Variants in BEST3 observed in about 807,000 individuals in gnomAD.
BEST3 encodes bestrophin 3, also known as bestrophin-3.
Under a neutral mutation model 47.1 loss-of-function variants are expected in BEST3, and 50 were observed. The observed-to-expected ratio is 1.06, with a 90% confidence interval of 0.85 to 1.34. BEST3 has a LOEUF of 1.34. Among genes scored for constraint, BEST3 ranks in the 40% most tolerant of loss-of-function variants. BEST3 has a pLI of 0.00. For synonymous variants in BEST3, 282 were observed against 298.8 expected (o/e 0.94, Z 0.58); for missense variants, 765 against 817.0 (o/e 0.94, Z 0.78).
chr12:69,697,492 A>C (rs549499652), intron 2 of BEST3, among the ~76,000 whole-genome samples, 155 bp downstream of exon 2: 1 of 152,336 alleles, frequency 6.6e-6, no homozygotes, highest in East Asian at 1.9e-4. Flanking sequence ...TGGTGGATTA[A>C]AATCTGTCCT....
chr12:69,682,262 A>T (rs1364485554), intron 4 of BEST3, among the ~76,000 whole-genome samples: 1 of 152,184 alleles, frequency 6.6e-6, no homozygotes, highest in Non-Finnish European at 1.5e-5. Context: ...ATTCTGACAC[A>T]TAGTGGTGTT....
intron 4 of BEST3, chr12:69,689,184 G>T (rs1885811048): frequency 9.1e-6 from 9 of 985,492 alleles, no homozygotes; most frequent in Non-Finnish European, 1.1e-5. Context: ...CTTGGCACAG[G>T]CAAAGGACAG....
At chr12:69,678,663 T>C in intron 5 of BEST3, 76 bp downstream of exon 5, 1 of 1,416,548 alleles carries the variant, frequency 7.1e-7, no homozygotes, top group East Asian at 2.3e-5. Context: ...TGACTCTTCC[T>C]GGTCTAACGT....
Position 69,695,963 on chromosome 12 carries a change from T to A in BEST3, c.153-1499A>T, listed in dbSNP as rs79035278. Among the ~76,000 whole-genome samples, 587 of 152,264 alleles carry A rather than the reference T, an allele frequency of 3.9e-3. 3 individuals carry two copies. Among genetic ancestry groups the A allele is most frequent in the African/African-American group, 0.013 (559 of 41,568 alleles). Reference sequence around the variant, plus strand: ...GTATTTCAGAAATTATTTTGTCAAATTCCTCCAAAAATAGAAATAAATGTA... The same window carrying A: ...GTATTTCAGAAATTATTTTGTCAAAATCCTCCAAAAATAGAAATAAATGTA... On this transcript the variant is annotated intron_variant, in intron 2 of 9. Coordinates refer to ENST00000330891, the MANE Select transcript of BEST3 (RefSeq NM_032735.3).
chr12:69,677,319 C>A, intron 5 of BEST3, 62 bp from the exon 6 acceptor site: 8 of 1,403,318 alleles, frequency 5.7e-6, no homozygotes, highest in Non-Finnish European at 7.9e-6. Flanking sequence ...TAAGTACTTA[C>A]TGGGACTCAG....
intron 2 of BEST3, among the ~76,000 whole-genome samples, chr12:69,695,718 T>A (rs1229685557): frequency 3.3e-5 from 5 of 152,214 alleles, no homozygotes; most frequent in Non-Finnish European, 7.3e-5. Flanking sequence ...ACTTTGAGCA[T>A]ATTTTTGAAC....
chr12:69,665,707 G>C (rs1565826729), intron 9 of BEST3, among the ~76,000 whole-genome samples: 1 of 152,088 alleles, frequency 6.6e-6, no homozygotes, highest in African/African-American at 2.4e-5. Context: ...GAATTGAGGA[G>C]GGAAACAGAC....
chr12:69,689,245 C>G (rs1454716920), intron 4 of BEST3: 1 of 985,502 alleles, frequency 1.0e-6, no homozygotes, highest in Non-Finnish European at 1.2e-6. Context: ...GGAAGCAGAC[C>G]CCATGTGCAG....
In BEST3 at chr12:69,677,194, G is replaced by C; in HGVS notation, c.700C>G (p.Leu234Val). Residue 234 changes from leucine (L) to valine (V), a missense_variant, in exon 6 of 10, where the codon CTG (leucine) becomes GTG (valine). By Grantham distance (32) the Leu-to-Val change is conservative. Transcript: ENST00000330891. ...LFGYDWVGIPLVYTQVVTLAV... is the reference protein window; with the variant it reads ...LFGYDWVGIPVVYTQVVTLAV... ...GTATTTCTTACCTGGGTGTAAACCA[G>C]CGGAATCCCAACCCAGTCATAACCG... The C allele has an allele frequency of 1.9e-6, 3 of 1,613,858 alleles. No individual in the cohort carries two copies. In the South Asian group the frequency reaches 3.3e-5, roughly 18 times the overall value.
intron 9 of BEST3, chr12:69,661,397 AC>A (rs1470761901): frequency 6.6e-6 from 1 of 152,232 alleles, no homozygotes; most frequent in Non-Finnish European, 1.5e-5. Flanking sequence ...GATGAATTCT[AC>A]TTCTCACTGC....
chr12:69,644,272 A>C (rs1882965022), intron 9 of BEST3, among the ~76,000 whole-genome samples: 1 of 152,236 alleles, frequency 6.6e-6, no homozygotes. Flanking sequence ...TTATTTCCCC[A>C]AACCCCAGTT....
At chr12:69,694,638 T>C (rs183305164) in intron 2 of BEST3, among the ~76,000 whole-genome samples, 174 bp from the exon 3 acceptor site, 1 of 152,362 alleles carries the variant, frequency 6.6e-6, no homozygotes, top group African/African-American at 2.4e-5. Flanking sequence ...AATTGCTTAA[T>C]GTCTCAAGTG....
chr12:69,656,381 G>GTCTGTCTATCTA lies in BEST3; in HGVS notation c.1101-569_1101-568insTAGATAGACAGA, dbSNP rs1555202914. On this transcript the variant is annotated intron_variant, in intron 9 of 9. Coordinates refer to ENST00000330891, the MANE Select transcript of BEST3 (RefSeq NM_032735.3). ...TATCTATGAATCTATCTGTCTGTCT[G>GTCTGTCTATCTA]TCTATCTATCTATCTATCTGTCATC... Among the ~76,000 whole-genome samples the GTCTGTCTATCTA allele has an allele frequency of 4.1e-3, 622 of 151,112 alleles. 4 individuals are homozygous for GTCTGTCTATCTA. Among genetic ancestry groups the GTCTGTCTATCTA allele is most frequent in the African/African-American group, 0.015 (606 of 40,984 alleles).
rs1883433212 is a variant in BEST3, at chr12:69,655,650, T to C, written c.1264A>G (p.Met422Val). 4 of 1,613,854 alleles carry C rather than the reference T, an allele frequency of 2.5e-6. No individual in the cohort carries two copies. Among genetic ancestry groups the C allele is most frequent in the Non-Finnish European group, 3.4e-6 (4 of 1,179,962 alleles). ...SYRRQTSDSS[M>V]FLPRDDLSPA... ...CTGAGGTCATCTCGGGGTAAGAACA[T>C]GGAGCTGTCACTTGTCTGCCTCCTG... is the stretch of plus-strand genomic sequence containing the variant. The change falls in exon 10 of 10, where the codon ATG becomes GTG. Residue 422 changes from methionine (M) to valine (V), a missense_variant. Physicochemically the swap from Met to Val is conservative, Grantham distance 21. Coordinates refer to ENST00000330891, the MANE Select transcript of BEST3 (RefSeq NM_032735.3).
At position 69,670,634 on chromosome 12, in the gene BEST3, T is replaced by A; in HGVS notation, c.1100+794A>T. On this transcript the variant is annotated intron_variant, in intron 9 of 9. Coordinates refer to ENST00000330891, the MANE Select transcript of BEST3 (RefSeq NM_032735.3). Reference sequence around the variant, plus strand: ...TCAGGGAGGAGGGAAAGAAGGGTCATAGGCAGCAACCACAGGACACAAACC... The same window carrying A: ...TCAGGGAGGAGGGAAAGAAGGGTCAAAGGCAGCAACCACAGGACACAAACC... 4.3e-6 allele frequency: 3 copies of A among 691,976 alleles called. No homozygotes were observed. In the East Asian group the frequency reaches 8.1e-5, roughly 19 times the overall value. The allele number at this position is 691,976 out of a possible 1,614,324, so 42.9% of individuals were successfully genotyped here.
chr12:69,695,268 G>A (rs1210464549), intron 2 of BEST3, among the ~76,000 whole-genome samples: 1 of 152,198 alleles, frequency 6.6e-6, no homozygotes, highest in Non-Finnish European at 1.5e-5. Context: ...ATCGACGAGT[G>A]TAGCTGTTCC....
At chr12:69,690,302 A>G (rs1360079109) in intron 4 of BEST3, among the ~76,000 whole-genome samples, 1 of 152,262 alleles carries the variant, frequency 6.6e-6, no homozygotes, top group East Asian at 1.9e-4. Context: ...AGTATTCCAC[A>G]TGCCTCGGAA....
At chr12:69,673,159 T>G (rs1215579620) in intron 7 of BEST3, among the ~76,000 whole-genome samples, 194 bp from the exon 8 acceptor site, 1 of 152,220 alleles carries the variant, frequency 6.6e-6, no homozygotes, top group Non-Finnish European at 1.5e-5. Context: ...ATGATGCACC[T>G]TCGTAGGTAT....
chr12:69,645,406 T>A (rs1883000773), intron 9 of BEST3, among the ~76,000 whole-genome samples: 1 of 152,222 alleles, frequency 6.6e-6, no homozygotes, highest in Admixed American at 6.5e-5. Context: ...GGACAGCACT[T>A]ACTGCAGTAA....
Sources: allele counts gnomAD v4.1 joint callset (sites outside exome capture counted in the v4.1 genomes callset), GRCh38; gene constraint gnomAD v4.1.1; transcripts MANE v1.5; gene names NCBI Gene and HGNC (gene_info 2026-07-23, HGNC 2026-07-21).